Variants in NEB observed in about 807,000 individuals in gnomAD.
NEB encodes the protein nebulin.
Under a neutral mutation model 952.2 loss-of-function variants are expected in NEB, and 512 were observed. That is an observed-to-expected ratio of 0.54 (90% CI 0.50 to 0.58). NEB has a LOEUF of 0.58. NEB is among the 20% of genes least tolerant of loss of function. The probability of loss-of-function intolerance (pLI) is 0.00; values close to 1 mark genes in which losing one functional copy is unlikely to be tolerated. For missense variants in NEB, 8,428 were observed against 9,231.1 expected, an observed-to-expected ratio of 0.91 and a Z score of 3.56; for synonymous variants, 2,900 against 3,149.8, an observed-to-expected ratio of 0.92 and a Z score of 2.66.
intron 114 of NEB, among the ~76,000 whole-genome samples, chr2:151,566,953 T>A (rs907545892): frequency 6.6e-6 from 1 of 152,196 alleles, no homozygotes; most frequent in South Asian, 2.1e-4. Context: ...TTTAAAAAAA[T>A]TTGATTGAAA....
At chr2:151,574,062 C>T (rs2096743633) in intron 107 of NEB, among the ~76,000 whole-genome samples, 1 of 152,154 alleles carries the variant, frequency 6.6e-6, no homozygotes, top group Admixed American at 6.5e-5. Context: ...CTAGCTCCGC[C>T]TCCTGGGTTT....
At position 151,666,331 on chromosome 2, in the gene NEB, G is replaced by A; in HGVS notation, c.4790C>T (p.Pro1597Leu). 1 of 1,613,860 alleles carries A rather than the reference G, an allele frequency of 6.2e-7. No individual in the cohort carries two copies. The highest frequency in any genetic ancestry group is 8.5e-7 in the Non-Finnish European group (1 of 1,179,842). ...QVGFLSLQDD[P>L]KLVHYMNVAK... Reference sequence around the variant, plus strand: ...CACATTCATGTAGTGAACCAGTTTAGGATCATCCTGAAGACTGAGAAATCC... The same window carrying A: ...CACATTCATGTAGTGAACCAGTTTAAGATCATCCTGAAGACTGAGAAATCC... The change falls in exon 41 of 182, where the codon CCT becomes CTT. Residue 1597 changes from proline to leucine, a missense_variant. Physicochemically the swap from Pro to Leu is moderately conservative, Grantham distance 98. Transcript: ENST00000397345.
intron 63 of NEB, among the ~76,000 whole-genome samples, chr2:151,636,624 A>G (rs951362223): frequency 6.6e-6 from 1 of 151,220 alleles, no homozygotes; most frequent in Non-Finnish European, 1.5e-5. Context: ...TACTAAATAT[A>G]AAAAAAATTA....
Position 151,612,227 on chromosome 2 carries a change from C to T in NEB, c.11764G>A (p.Glu3922Lys). The change falls in exon 78 of 182, where the codon GAA (glutamate) becomes AAA (lysine). Residue 3922 changes from glutamate to lysine, a missense_variant. Glu to Lys is a moderately conservative substitution (Grantham distance 56). Coordinates refer to ENST00000397345, the MANE Select transcript of NEB (RefSeq NM_001164508.2). ...GCATTATTCTTTGCTAGGACAATTTCCGGAGTGTCGGTAATGCATGTGAAT... is the reference window on the plus strand; with the variant it reads ...GCATTATTCTTTGCTAGGACAATTTTCGGAGTGTCGGTAATGCATGTGAAT... Reference protein sequence around the residue: ...LKFTCITDTPEIVLAKNNALT... With the variant: ...LKFTCITDTPKIVLAKNNALT... 1 of 1,613,838 alleles carries T rather than the reference C, an allele frequency of 6.2e-7. No individual in the cohort carries two copies. The highest frequency in any genetic ancestry group is 2.2e-5 in the East Asian group (1 of 44,860).
At chr2:151,494,735 G>A (rs536889870) in intron 173 of NEB, among the ~76,000 whole-genome samples, 95 of 152,220 alleles carry the variant, frequency 6.2e-4, no homozygotes, top group South Asian at 2.1e-4. Context: ...TGCAACCTCC[G>A]CCTCCCGGGT....
chr2:151,570,027 T>C (rs1220892372), intron 109 of NEB, 54 bp downstream of exon 109: 1 of 1,521,134 alleles, frequency 6.6e-7, no homozygotes, highest in Non-Finnish European at 8.9e-7. Context: ...ATAAACTCTC[T>C]GGAAGTCATG....
intron 37 of NEB, among the ~76,000 whole-genome samples, 194 bp downstream of exon 37, chr2:151,672,175 A>C (rs1367538629): frequency 6.6e-6 from 1 of 152,216 alleles, no homozygotes; most frequent in Non-Finnish European, 1.5e-5. Context: ...AGACAGCATC[A>C]ATAATTATGA....
chr2:151,679,773 G>A lies in NEB; in HGVS notation c.3203C>T (p.Thr1068Ile), dbSNP rs769233880. The change falls in exon 32 of 182, where the codon ACT becomes ATT. Residue 1068 changes from threonine to isoleucine, a missense_variant. Physicochemically the swap from Thr to Ile is moderately conservative, Grantham distance 89. Transcript: ENST00000397345. ...DLSKKGYDLR[T>I]DAIPIRAAKA... Reference sequence around the variant, plus strand: ...GGCAGCTCTGATGGGAATCGCATCAGTTCTCAGGTCATATCCCTTCTTGCT... The same window carrying A: ...GGCAGCTCTGATGGGAATCGCATCAATTCTCAGGTCATATCCCTTCTTGCT... The A allele has an allele frequency of 9.4e-5, 151 of 1,609,168 alleles. No individual in the cohort carries two copies. The highest frequency in any genetic ancestry group is 1.2e-4 in the Non-Finnish European group (146 of 1,177,206).
At chr2:151,654,633 C>T (rs1300203610) in intron 51 of NEB, among the ~76,000 whole-genome samples, 1 of 152,080 alleles carries the variant, frequency 6.6e-6, no homozygotes, top group Non-Finnish European at 1.5e-5. Context: ...CATAGTTATC[C>T]AGTACTTTCC....
chr2:151,655,491 TA>T (rs2099078293), intron 50 of NEB, 117 bp from the exon 51 acceptor site: 1 of 543,786 alleles, frequency 1.8e-6, no homozygotes, highest in Non-Finnish European at 3.1e-6. Flanking sequence ...AAGTAATAAC[TA>T]AGTAGCATAT....
In NEB at chr2:151,490,073, G is replaced by T; in HGVS notation, c.25302C>A (p.Tyr8434Ter). 6.2e-7 allele frequency: 1 copy of T among 1,603,458 alleles called. No homozygotes were observed. Among genetic ancestry groups the T allele is most frequent in the Non-Finnish European group, 8.5e-7 (1 of 1,175,222 alleles). ...DGGVFAVSTA[Y>*]KHAKTTELPQ... ...GGAGCTCTGTGGTTTTTGCATGTTT[G>T]TAAGCTGAAAAAAAGGGGGCAAATT... Residue 8434 changes from tyrosine to a stop codon, truncating the protein, a stop_gained, in exon 181 of 182, where the codon TAC becomes TAA. Coordinates refer to ENST00000397345, the MANE Select transcript of NEB (RefSeq NM_001164508.2). LOFTEE classifies it high-confidence loss of function.
Position 151,555,057 on chromosome 2 carries a change from A to T in NEB, c.19315-13T>A, listed in dbSNP as rs1181440690. On this transcript the variant is annotated splice_polypyrimidine_tract_variant and intron_variant, in intron 124 of 181. Transcript: ENST00000397345. ...CCCGATATTTGATCTATAGAGAATA[A>T]GTAGAAAGGAAGAAACAGTTTTAGA... 6.6e-7 allele frequency: 1 copy of T among 1,520,076 alleles called. No individual in the cohort carries two copies. The highest frequency in any genetic ancestry group is 1.7e-5 in the Admixed American group (1 of 59,766). The allele number at this position is 1,520,076 out of a possible 1,614,324, so 94.2% of individuals were successfully genotyped here. A position where few individuals can be genotyped will look rare whatever the true frequency, so the allele number is the denominator to read the frequency against.
chr2:151,577,687 T>C (rs570758069), intron 105 of NEB, among the ~76,000 whole-genome samples: 1 of 152,276 alleles, frequency 6.6e-6, no homozygotes, highest in East Asian at 1.9e-4. Context: ...CAAACGATTC[T>C]CCTGCCTCAG....
At chr2:151,665,967 T>C (rs1054441658) in intron 41 of NEB, 123 bp downstream of exon 41, 53 of 1,005,646 alleles carry the variant, frequency 5.3e-5, no homozygotes, top group Non-Finnish European at 6.3e-5. Context: ...ATCCTAAAAC[T>C]CTGAGTTCTG....
chr2:151,638,062 C>T (rs1381865958), intron 63 of NEB, among the ~76,000 whole-genome samples: 2 of 152,124 alleles, frequency 1.3e-5, no homozygotes, highest in Non-Finnish European at 2.9e-5. Flanking sequence ...AGGCTTATAC[C>T]CACAGGCTCA....
chr2:151,672,061 A>G (rs577563614), intron 37 of NEB, among the ~76,000 whole-genome samples: 1 of 152,056 alleles, frequency 6.6e-6, no homozygotes, highest in African/African-American at 2.4e-5. Flanking sequence ...ATCTATCACC[A>G]TTGCAGCCAA....
At chr2:151,544,191 A>T (rs7563568) in intron 135 of NEB, among the ~76,000 whole-genome samples, 5 of 152,010 alleles carry the variant, frequency 3.3e-5, no homozygotes, top group Non-Finnish European at 7.4e-5. Flanking sequence ...GTGCTGATGC[A>T]CAACTTGCCC....
At chr2:151,506,440 A>C in intron 163 of NEB, 182 bp from the exon 164 acceptor site, 1 of 567,556 alleles carries the variant, frequency 1.8e-6, no homozygotes, top group South Asian at 2.6e-5. Context: ...CCAGTTATAC[A>C]ACATGGATCT....
Position 151,658,991 on chromosome 2 carries a change from G to A in NEB, c.6075+74C>T, listed in dbSNP as rs1282079120. ...AACATTCACTCTCATAACTGAGAGA[G>A]ATATTAATTAATTTGTTCTTACTGG... On this transcript the variant is annotated intron_variant, in intron 47 of 181. Coordinates refer to ENST00000397345, the MANE Select transcript of NEB (RefSeq NM_001164508.2). The A allele has an allele frequency of 8.0e-6, 8 of 996,634 alleles. No individual in the cohort carries two copies. The East Asian group carries it at 1.7e-4, about 21-fold the overall frequency. 61.7% of individuals were successfully genotyped at this position (996,634 alleles called of 1,614,324 possible). A position where few individuals can be genotyped will look rare whatever the true frequency, so the allele number is the denominator to read the frequency against.
Sources: gnomAD v4.1 joint callset for allele counts (sites outside exome capture counted in the v4.1 genomes callset) on GRCh38, gnomAD v4.1.1 for gene constraint, MANE v1.5 for transcripts, NCBI Gene and HGNC (gene_info 2026-07-23, HGNC 2026-07-21) for gene names.